The following SPECC1 variants were observed in gnomAD, a reference collection of about 807,000 sequenced individuals.
The protein encoded by SPECC1 is sperm antigen with calponin homology and coiled-coil domains 1.
SPECC1 carries 62 observed loss-of-function variants against 104.1 expected under a neutral mutation model. The observed-to-expected ratio is 0.60, with a 90% CI of 0.49 to 0.74. SPECC1 has a LOEUF of 0.74. Among genes scored for constraint, SPECC1 ranks in the 30% least tolerant of loss-of-function variants. The pLI is 0.00. For synonymous variants in SPECC1, 513 were observed against 501.6 expected (o/e 1.02, Z -0.30); for missense variants, 1,306 against 1,310.5 (o/e 1.00, Z 0.05).
At chr17:20,259,894 ATGATACTG>A (rs2039965362) in intron 11 of SPECC1, among the ~76,000 whole-genome samples, 1 of 152,206 alleles carries the variant, frequency 6.6e-6, no homozygotes. Flanking sequence ...TTTAATTCAA[ATGATACTG>A]TACTTAAGTA....
At chr17:20,287,423 C>CAAAAAAAAAAAA (rs61713120) in intron 12 of SPECC1, among the ~76,000 whole-genome samples, 10 of 98,054 alleles carry the variant, frequency 1.0e-4, no homozygotes, top group African/African-American at 3.7e-4. Context: ...GACTCCGTCT[C>CAAAAAAAAAAAA]AAAAAAAAAA....
Position 20,204,438 on chromosome 17 carries a change from A to G in SPECC1, c.389A>G (p.Lys130Arg). The change falls in exon 4 of 15, where the codon AAA (lysine) becomes AGA (arginine). Residue 130 changes from lysine (K) to arginine (R), a missense_variant. By Grantham distance (26) the Lys-to-Arg change is conservative. This residue lies in a region of SPECC1 where 1,177 missense variants were observed against 1,139.9 expected (regional missense o/e 1.03). Coordinates refer to ENST00000395527, the MANE Select transcript of SPECC1 (RefSeq NM_001243439.2). ...SVPRGPSNPR[K>R]SVSSPTSSNT... ...CCACGTGGTCCCTCCAACCCCAGGA[A>G]ATCAGTGTCCAGTCCAACTTCTTCC... 6.2e-7 allele frequency: 1 copy of G among 1,614,116 alleles called. No homozygotes were observed.
intron 12 of SPECC1, among the ~76,000 whole-genome samples, chr17:20,268,514 C>T (rs1223506585): frequency 6.6e-6 from 1 of 152,222 alleles, no homozygotes; most frequent in South Asian, 2.1e-4. Context: ...GAAGGCTACA[C>T]GCACAATTCA....
chr17:20,032,182 A>G (rs190157366), intron 1 of SPECC1, among the ~76,000 whole-genome samples: 1 of 152,210 alleles, frequency 6.6e-6, no homozygotes, highest in African/African-American at 2.4e-5. Context: ...GTTTTCCTCT[A>G]GCTGCTTTCA....
chr17:20,106,881 G>C (rs552418278), intron 2 of SPECC1, among the ~76,000 whole-genome samples: 60 of 152,204 alleles, frequency 3.9e-4, no homozygotes, highest in Admixed American at 7.9e-4. Context: ...CGTGGGCCAG[G>C]CGTGGTGGCC....
chr17:20,047,625 T>G (rs1310448406), intron 1 of SPECC1, among the ~76,000 whole-genome samples: 1 of 151,860 alleles, frequency 6.6e-6, no homozygotes, highest in African/African-American at 2.4e-5. Context: ...TGAGATGGAG[T>G]CTCACTCTGT....
intron 1 of SPECC1, among the ~76,000 whole-genome samples, chr17:20,060,182 A>C (rs1474444333): frequency 6.6e-6 from 1 of 152,094 alleles, no homozygotes; most frequent in Non-Finnish European, 1.5e-5. Context: ...TGACGCCTCT[A>C]TAGTTGTGGT....
At chr17:20,103,022 C>T (rs573306358) in intron 2 of SPECC1, among the ~76,000 whole-genome samples, 16 of 152,292 alleles carry the variant, frequency 1.1e-4, no homozygotes, top group African/African-American at 3.1e-4. Flanking sequence ...ACAGAGAGGA[C>T]GTGATTTGCC....
At chr17:20,113,015 G>A in intron 3 of SPECC1, 3 of 848,096 alleles carry the variant, frequency 3.5e-6, no homozygotes, top group Non-Finnish European at 4.1e-6. Context: ...GGAGGAACAT[G>A]TACAAGATGA....
chr17:20,194,517 T>A (rs1344880374), intron 3 of SPECC1, among the ~76,000 whole-genome samples: 1 of 133,798 alleles, frequency 7.5e-6, no homozygotes, highest in Admixed American at 7.4e-5. Flanking sequence ...TTTTTTTTTT[T>A]TTTTTTTTGA....
Position 20,315,215 on chromosome 17 carries a change from T to C in SPECC1, c.*1150T>C, listed in dbSNP as rs534255518. The C allele has an allele frequency of 8.6e-6, 2 of 232,784 alleles. No individual in the cohort carries two copies. The highest frequency in any genetic ancestry group is 1.2e-4 in the East Asian group (2 of 16,492). 14.4% of individuals were successfully genotyped at this position (232,784 alleles called of 1,614,324 possible). A position where few individuals can be genotyped will look rare whatever the true frequency, so the allele number is the denominator to read the frequency against. ...ATTTCGGCTCTGGACTGATTTGGCC[T>C]TTAGTGCTTCCCCAGGCCTCTTTCA... On this transcript the variant is annotated 3_prime_UTR_variant, in exon 15 of 15. Transcript: ENST00000395527.
intron 3 of SPECC1, among the ~76,000 whole-genome samples, chr17:20,139,880 TG>T (rs1356817461): frequency 6.6e-6 from 1 of 152,138 alleles, no homozygotes; most frequent in East Asian, 1.9e-4. Context: ...TTCGCTATGT[TG>T]GCCAGGCTGG....
chr17:20,305,640 T>G (rs1014573236), intron 13 of SPECC1: 2 of 160,210 alleles, frequency 1.2e-5, no homozygotes, highest in Non-Finnish European at 2.7e-5. Flanking sequence ...TTCATTTGAT[T>G]TAAATACAAT....
Position 20,205,339 on chromosome 17 carries a change from AG to A in SPECC1, c.1291del (p.Glu431ArgfsTer6). Reference sequence around the variant, plus strand: ...TAGAGACATCCTTTCATCAGCATCGAGAGAGGGCAGAGCAGCTAAGTCAAGA... The same window carrying A: ...TAGAGACATCCTTTCATCAGCATCGAAGAGGGCAGAGCAGCTAAGTCAAGA... ...ILETSFHQHR[E>X]RAEQLSQENE... On this transcript the variant is annotated frameshift_variant, in exon 4 of 15. Transcript: ENST00000395527. LOFTEE classifies it high-confidence loss of function. 1.2e-6 allele frequency: 2 copies of A among 1,614,228 alleles called. No individual in the cohort carries two copies. The highest frequency in any genetic ancestry group is 1.7e-6 in the Non-Finnish European group (2 of 1,180,044).
intron 3 of SPECC1, among the ~76,000 whole-genome samples, chr17:20,202,289 T>G (rs1430663130): frequency 2.0e-5 from 3 of 151,994 alleles, no homozygotes; most frequent in African/African-American, 7.3e-5. Flanking sequence ...TGGGAGCAGT[T>G]CCTCTCTCCA....
intron 3 of SPECC1, among the ~76,000 whole-genome samples, chr17:20,165,918 T>C (rs1413754380): frequency 6.6e-6 from 1 of 152,216 alleles, no homozygotes; most frequent in Non-Finnish European, 1.5e-5. Flanking sequence ...TTTGTTTAAG[T>C]TCCTTGTAGA....
At chr17:20,227,269 G>A (rs1159329286) in intron 4 of SPECC1, 144 bp from the exon 5 acceptor site, 4 of 723,312 alleles carry the variant, frequency 5.5e-6, no homozygotes, top group Non-Finnish European at 9.2e-6. Flanking sequence ...TTTTCGTAAT[G>A]TTTTATTTTA....
chr17:20,205,871 G>A lies in SPECC1; in HGVS notation c.1822G>A (p.Ala608Thr), dbSNP rs865807674. 5 of 1,613,588 alleles carry A rather than the reference G, an allele frequency of 3.1e-6. No individual in the cohort carries two copies. Among genetic ancestry groups the A allele is most frequent in the Non-Finnish European group, 4.2e-6 (5 of 1,179,946 alleles). Residue 608 changes from alanine to threonine, a missense_variant, in exon 4 of 15, where the codon GCA (alanine) becomes ACA (threonine). Physicochemically the swap from Ala to Thr is moderately conservative, Grantham distance 58. Transcript: ENST00000395527. ...TGAGCTCAGACAAGAATTACTAAAG[G>A]CAAACGGTGAAATTAAACATGTTTC... ...CNELRQELLK[A>T]NGEIKHVSSL...
intron 3 of SPECC1, among the ~76,000 whole-genome samples, chr17:20,135,996 G>A (rs1305835019): frequency 6.6e-6 from 1 of 152,160 alleles, no homozygotes; most frequent in South Asian, 2.1e-4. Context: ...AAATCTGTGG[G>A]AGTGGAAAAA....
Sources: gnomAD v4.1 joint callset for allele counts (sites outside exome capture counted in the v4.1 genomes callset) on GRCh38, gnomAD v4.1.1 for gene constraint, gnomAD v4.1.1 regional missense constraint, MANE v1.5 for transcripts, NCBI Gene and HGNC (gene_info 2026-07-23, HGNC 2026-07-21) for gene names.